ATP8A2: variants seen among roughly 807,000 people sequenced by gnomAD.
The protein encoded by ATP8A2 is ATPase phospholipid transporting 8A2, also known as phospholipid-transporting ATPase IB.
A neutral mutation model predicts 165.6 loss-of-function variants in ATP8A2; 100 were observed. The observed-to-expected ratio is 0.60, with a 90% CI of 0.51 to 0.71. The LOEUF (loss-of-function observed/expected upper bound fraction) is 0.71. Ranked by LOEUF, ATP8A2 falls within the 30% of genes least tolerant of loss-of-function variation. The pLI, the probability that ATP8A2 is intolerant of heterozygous loss-of-function variation, is 0.00. For missense variants in ATP8A2, 1,227 were observed against 1,479.5 expected (o/e 0.83, Z 2.80); for synonymous variants, 543 against 548.8 (o/e 0.99, Z 0.15).
At chr13:25,942,183 A>T (rs79747796) in intron 33 of ATP8A2, among the ~76,000 whole-genome samples, 2,635 of 152,082 alleles carry the variant, frequency 0.017, 78 homozygotes, top group African/African-American at 0.06. Context: ...AATTTGCCAA[A>T]TTTTTTTTAT....
intron 24 of ATP8A2, among the ~76,000 whole-genome samples, chr13:25,654,889 A>G (rs546225998): frequency 3.6e-4 from 55 of 152,188 alleles, no homozygotes; most frequent in African/African-American, 1.3e-3. Context: ...TCTCTTTGGG[A>G]TATCTGTTGG....
At chr13:26,011,350 CTCT>C (rs559513813) in intron 35 of ATP8A2, among the ~76,000 whole-genome samples, 21 of 152,290 alleles carry the variant, frequency 1.4e-4, no homozygotes, top group Non-Finnish European at 2.1e-4. Context: ...TCCTCATCTC[CTCT>C]TCTTATTAGG....
intron 30 of ATP8A2, among the ~76,000 whole-genome samples, chr13:25,840,186 T>C (rs1043113927): frequency 3.3e-5 from 5 of 152,172 alleles, no homozygotes; most frequent in Non-Finnish European, 7.3e-5. Context: ...CTCGGCGTTT[T>C]TTCACACTTC....
chr13:25,630,133 G>A (rs1016207658), intron 24 of ATP8A2, among the ~76,000 whole-genome samples: 1 of 152,026 alleles, frequency 6.6e-6, no homozygotes, highest in African/African-American at 2.4e-5. Context: ...CTCAAATTTT[G>A]TGTGCTTGCT....
At chr13:25,961,687 A>T in intron 34 of ATP8A2, 24 bp downstream of exon 34, 1 of 1,561,428 alleles carries the variant, frequency 6.4e-7, no homozygotes, top group Non-Finnish European at 8.8e-7. Flanking sequence ...TGAAGCGGGG[A>T]CCCTAAGTCT....
intron 24 of ATP8A2, among the ~76,000 whole-genome samples, chr13:25,679,379 A>G (rs959967731): frequency 2.0e-5 from 3 of 152,214 alleles, no homozygotes; most frequent in African/African-American, 4.8e-5. Context: ...GTTTTGCAAC[A>G]GAATGTTATC....
At chr13:25,702,443 C>T (rs2042970692) in intron 25 of ATP8A2, among the ~76,000 whole-genome samples, 2 of 152,142 alleles carry the variant, frequency 1.3e-5, no homozygotes, top group Admixed American at 1.3e-4. Context: ...CTAGAGAGGG[C>T]ATATATAGTC....
intron 25 of ATP8A2, among the ~76,000 whole-genome samples, chr13:25,727,920 AGCCCTGT>A (rs1398017118): frequency 6.6e-6 from 1 of 152,156 alleles, no homozygotes; most frequent in Non-Finnish European, 1.5e-5. Context: ...CTGGAGTCCA[AGCCCTGT>A]GCTCTGGTCC....
chr13:25,643,891 A>G (rs890152010), intron 24 of ATP8A2, among the ~76,000 whole-genome samples: 3 of 151,556 alleles, frequency 2.0e-5, no homozygotes, highest in Admixed American at 2.0e-4. Flanking sequence ...GTCTATGAAC[A>G]TTGTTTTTTT....
chr13:25,526,898 G>A (rs866911964), intron 2 of ATP8A2, among the ~76,000 whole-genome samples: 23 of 152,108 alleles, frequency 1.5e-4, no homozygotes, highest in Admixed American at 5.9e-4. Flanking sequence ...GAAGCTGCCC[G>A]TCACCTTGAT....
intron 28 of ATP8A2, among the ~76,000 whole-genome samples, chr13:25,834,501 ATGTC>A (rs1345343816): frequency 1.3e-5 from 2 of 152,196 alleles, no homozygotes; most frequent in Non-Finnish European, 2.9e-5. Flanking sequence ...AAGAAAATGA[ATGTC>A]TGTCAGTGGG....
At position 25,839,575 on chromosome 13, in the gene ATP8A2, G is replaced by A; in HGVS notation, c.2907G>A (p.Leu969=). 1 of 1,614,010 alleles carries A rather than the reference G, an allele frequency of 6.2e-7. No homozygotes were observed. The highest frequency in any genetic ancestry group is 2.2e-5 in the East Asian group (1 of 44,856). The change falls in exon 30 of 37, where the codon TTG becomes TTA. Residue 969 remains leucine (L), a synonymous_variant. Coordinates refer to ENST00000381655, the MANE Select transcript of ATP8A2 (RefSeq NM_016529.6). The stretch of plus-strand genomic sequence containing the variant: ...TCTGGGGTCACTGCATCAACGCCTT[G>A]GTCCACTCCCTCATCCTCTTCTGGT... ...KVFWGHCINA[L]VHSLILFWFP... is the part of the protein sequence containing the mutation.
At chr13:25,467,539 A>C in intron 1 of ATP8A2, among the ~76,000 whole-genome samples, 1 of 151,042 alleles carries the variant, frequency 6.6e-6, no homozygotes, top group Non-Finnish European at 1.5e-5. Flanking sequence ...GTGAAGGTTT[A>C]CTTGCGTAAG....
chr13:25,531,197 ATATAT>A (rs1361687696), intron 4 of ATP8A2, among the ~76,000 whole-genome samples: 3 of 143,752 alleles, frequency 2.1e-5, no homozygotes, highest in Non-Finnish European at 4.5e-5. Context: ...TATATATGTT[ATATAT>A]GATATATGTT....
intron 27 of ATP8A2, among the ~76,000 whole-genome samples, chr13:25,787,149 C>A (rs991853726): frequency 2.0e-5 from 3 of 152,230 alleles, no homozygotes; most frequent in African/African-American, 7.2e-5. Context: ...TTGCTTCCTA[C>A]TACACCCAGA....
In ATP8A2 at chr13:25,501,293, G is replaced by A. The variant is rs543479511; in HGVS notation, c.222-28706G>A. Among the ~76,000 whole-genome samples the A allele has an allele frequency of 2.3e-4, 35 of 152,296 alleles. No homozygotes were observed. The East Asian group carries it at 5.2e-3, about 23-fold the overall frequency. On this transcript the variant is annotated intron_variant, in intron 2 of 36. Transcript: ENST00000381655. ...AGAAGCTCCAGGTGGCTTAGGAAGC[G>A]TGGACAGTGGCCTTCCCTCTGGTTT...
At chr13:25,935,740 G>A (rs1954867781) in intron 33 of ATP8A2, among the ~76,000 whole-genome samples, 2 of 152,102 alleles carry the variant, frequency 1.3e-5, no homozygotes, top group African/African-American at 4.8e-5. Context: ...CTGCCCCCAT[G>A]GTCCAAACAC....
intron 25 of ATP8A2, among the ~76,000 whole-genome samples, chr13:25,723,126 T>G (rs1056616867): frequency 1.3e-5 from 2 of 152,242 alleles, no homozygotes; most frequent in African/African-American, 4.8e-5. Flanking sequence ...GTGTTACATA[T>G]GATGTGGCTA....
At chr13:25,444,436 T>C (rs1277508552) in intron 1 of ATP8A2, among the ~76,000 whole-genome samples, 1 of 152,176 alleles carries the variant, frequency 6.6e-6, no homozygotes, top group African/African-American at 2.4e-5. Flanking sequence ...ATAAGGTAGA[T>C]GTATACTTAA....
Sources: gnomAD v4.1 joint callset for allele counts (sites outside exome capture counted in the v4.1 genomes callset) on GRCh38, gnomAD v4.1.1 for gene constraint, MANE v1.5 for transcripts, NCBI Gene and HGNC (gene_info 2026-07-23, HGNC 2026-07-21) for gene names.